SCAPER: variants seen among roughly 807,000 people sequenced by gnomAD.
SCAPER encodes S-phase cyclin A associated protein in the ER.
SCAPER carries 98 observed loss-of-function variants against 182.2 expected under a neutral mutation model. The observed-to-expected ratio is 0.54, with a 90% CI of 0.46 to 0.64. SCAPER has a LOEUF of 0.64. Among genes scored for constraint, SCAPER ranks in the 30% least tolerant of loss-of-function variants. SCAPER has a pLI of 0.00. For synonymous variants in SCAPER, 605 were observed against 564.6 expected (o/e 1.07, Z -1.01); for missense variants, 1,432 against 1,690.0 (o/e 0.85, Z 2.68).
At chr15:76,899,142 T>C (rs548801015) in intron 1 of SCAPER, among the ~76,000 whole-genome samples, 4 of 152,300 alleles carry the variant, frequency 2.6e-5, no homozygotes, top group African/African-American at 9.6e-5. Context: ...ACAAGAAATA[T>C]GGATATGCTC....
chr15:76,367,207 G>A (rs2041871370), intron 29 of SCAPER, among the ~76,000 whole-genome samples: 1 of 152,204 alleles, frequency 6.6e-6, no homozygotes, highest in South Asian at 2.1e-4. Flanking sequence ...TCAAACAGCT[G>A]TAAAGCTGTA....
chr15:76,352,232 A>G (rs1275456669), intron 30 of SCAPER, among the ~76,000 whole-genome samples: 1 of 151,856 alleles, frequency 6.6e-6, no homozygotes, highest in African/African-American at 2.4e-5. Flanking sequence ...CACAGCACTT[A>G]TTGCCATAGC....
chr15:76,553,194 G>C (rs1243230631), intron 23 of SCAPER, among the ~76,000 whole-genome samples: 1 of 152,220 alleles, frequency 6.6e-6, no homozygotes, highest in Non-Finnish European at 1.5e-5. Flanking sequence ...ATCCAACCCA[G>C]CTGAGGCACA....
intron 26 of SCAPER, among the ~76,000 whole-genome samples, chr15:76,432,827 C>T (rs888168931): frequency 2.0e-5 from 3 of 152,200 alleles, no homozygotes; most frequent in Non-Finnish European, 4.4e-5. Context: ...TCTCAGCTCT[C>T]CTACCTACTT....
At chr15:76,856,684 A>G (rs1197437447) in intron 4 of SCAPER, among the ~76,000 whole-genome samples, 1 of 151,846 alleles carries the variant, frequency 6.6e-6, no homozygotes, top group Non-Finnish European at 1.5e-5. Context: ...CTATATACTT[A>G]AAAATATCAA....
chr15:76,367,719 C>G lies in SCAPER; in HGVS notation c.3855+8443G>C, dbSNP rs562821724. Among the ~76,000 whole-genome samples, 5 of 152,196 alleles carry G rather than the reference C, an allele frequency of 3.3e-5. No homozygotes were observed. The East Asian group carries it at 9.7e-4, about 29-fold the overall frequency. ...TGAACTACCCTTGTGTGGAAAAATT[C>G]ACTAAAACAATGAAGAAAATAAAAG... On this transcript the variant is annotated intron_variant, in intron 29 of 31. Transcript: ENST00000563290.
intron 5 of SCAPER, among the ~76,000 whole-genome samples, chr15:76,821,798 A>T (rs1157219527): frequency 6.6e-6 from 1 of 152,072 alleles, no homozygotes; most frequent in East Asian, 1.9e-4. Flanking sequence ...AGTCCCAGCT[A>T]CTCAGGAGGC....
intron 8 of SCAPER, among the ~76,000 whole-genome samples, chr15:76,783,141 C>T (rs1470318462): frequency 6.6e-6 from 1 of 151,728 alleles, no homozygotes. Flanking sequence ...ACTAGCAAGA[C>T]TAACAAAGAA....
intron 31 of SCAPER, chr15:76,350,696 T>C (rs1487362333): frequency 1.3e-5 from 2 of 152,128 alleles, no homozygotes; most frequent in African/African-American, 4.8e-5. Flanking sequence ...AGGAATGCTA[T>C]AGGAAAAAAA....
intron 27 of SCAPER, among the ~76,000 whole-genome samples, chr15:76,396,913 T>C (rs912132147): frequency 6.6e-5 from 10 of 152,174 alleles, no homozygotes; most frequent in Admixed American, 6.5e-4. Context: ...AGGCTTTCCA[T>C]TTTTCCTCAT....
chr15:76,838,440 A>G (rs776913775), intron 5 of SCAPER, among the ~76,000 whole-genome samples: 2 of 152,160 alleles, frequency 1.3e-5, no homozygotes, highest in Admixed American at 1.3e-4. Flanking sequence ...AGCGTCCCCA[A>G]AGGAAGCTCC....
intron 21 of SCAPER, among the ~76,000 whole-genome samples, chr15:76,623,049 C>A (rs1476601523): frequency 6.6e-6 from 1 of 152,158 alleles, no homozygotes; most frequent in Non-Finnish European, 1.5e-5. Flanking sequence ...TGTATGTCTT[C>A]TTTTGAGAAG....
chr15:76,631,092 TG>T (rs1481039843), intron 21 of SCAPER, among the ~76,000 whole-genome samples: 1 of 152,214 alleles, frequency 6.6e-6, no homozygotes, highest in Non-Finnish European at 1.5e-5. Flanking sequence ...AAGTCTGTTT[TG>T]TCAGAAACTA....
intron 26 of SCAPER, among the ~76,000 whole-genome samples, chr15:76,427,648 C>A (rs975937596): frequency 1.3e-5 from 2 of 151,998 alleles, no homozygotes; most frequent in Non-Finnish European, 2.9e-5. Context: ...GAATTCAAGA[C>A]CAGCCTGAAA....
At chr15:76,583,336 G>T (rs1174786292) in intron 22 of SCAPER, among the ~76,000 whole-genome samples, 1 of 135,908 alleles carries the variant, frequency 7.4e-6, no homozygotes, top group African/African-American at 2.9e-5. Flanking sequence ...GAGCAACAGA[G>T]TGAGACTCCA....
intron 23 of SCAPER, among the ~76,000 whole-genome samples, chr15:76,572,919 T>TCTCA (rs1477852757): frequency 1.0e-4 from 14 of 135,264 alleles, no homozygotes; most frequent in African/African-American, 3.9e-4. Flanking sequence ...TCTCTCTCTC[T>TCTCA]CACACACACA....
rs186744260 is a variant in SCAPER at position 76,835,589 on chromosome 15, T to C, written c.393+6145A>G. Among the ~76,000 whole-genome samples the C allele has an allele frequency of 4.6e-5, 7 of 152,252 alleles. No homozygotes were observed. The East Asian group carries it at 1.2e-3, about 25-fold the overall frequency. ...TATGACACTCTCATAGCTAACATCA[T>C]ACTGAATGGGCAAATGCTGAAACTA... On this transcript the variant is annotated intron_variant, in intron 5 of 31. Transcript: ENST00000563290.
intron 15 of SCAPER, among the ~76,000 whole-genome samples, chr15:76,735,381 G>C (rs1280194156): frequency 6.6e-6 from 1 of 151,760 alleles, no homozygotes; most frequent in African/African-American, 2.4e-5. Context: ...TCATTTAAAA[G>C]AACAGCAACA....
intron 23 of SCAPER, among the ~76,000 whole-genome samples, chr15:76,545,739 G>A (rs1019788107): frequency 3.9e-5 from 6 of 152,062 alleles, no homozygotes; most frequent in African/African-American, 1.2e-4. Context: ...TCAGTAAGTC[G>A]AGAAGACAGA....
Sources: allele counts gnomAD v4.1 joint callset (sites outside exome capture counted in the v4.1 genomes callset), GRCh38; gene constraint gnomAD v4.1.1; transcripts MANE v1.5; gene names NCBI Gene and HGNC (gene_info 2026-07-23, HGNC 2026-07-21).